The following NEMF variants were observed in gnomAD, a reference collection of about 807,000 sequenced individuals.
The protein encoded by NEMF is ribosome quality control complex subunit NEMF.
A neutral mutation model predicts 162.2 loss-of-function variants in NEMF; 89 were observed. The observed-to-expected ratio is 0.55, with a 90% CI of 0.46 to 0.65. The LOEUF (loss-of-function observed/expected upper bound fraction) is 0.65, where lower values mean the gene tolerates loss of function less well. NEMF is among the 30% of genes least tolerant of loss of function. NEMF has a pLI of 0.00. For synonymous variants in NEMF, 421 were observed against 404.5 expected (o/e 1.04, Z -0.49); for missense variants, 1,133 against 1,261.9 (o/e 0.90, Z 1.55).
intron 18 of NEMF, 62 bp from the exon 19 acceptor site, chr14:49,806,195 G>A: frequency 1.1e-6 from 1 of 923,376 alleles, no homozygotes; most frequent in South Asian, 1.4e-5. Flanking sequence ...AGCAAGATAT[G>A]AAAATCACAT....
chr14:49,827,517 G>A (rs1158331943), intron 15 of NEMF, among the ~76,000 whole-genome samples: 1 of 152,132 alleles, frequency 6.6e-6, no homozygotes, highest in Non-Finnish European at 1.5e-5. Flanking sequence ...ATCACAACGG[G>A]GCTAGGCATG....
chr14:49,831,985 G>T (rs1892660454), intron 10 of NEMF, 66 bp downstream of exon 10: 2 of 1,049,052 alleles, frequency 1.9e-6, no homozygotes, highest in Non-Finnish European at 2.8e-6. Context: ...CTCAATAGAA[G>T]CAAGTTGATA....
chr14:49,847,405 C>T (rs903258760), intron 3 of NEMF, among the ~76,000 whole-genome samples: 49 of 151,336 alleles, frequency 3.2e-4, no homozygotes, highest in African/African-American at 1.0e-3. Flanking sequence ...GGTTTCTCCA[C>T]GTTGCCCAGG....
At chr14:49,848,230 T>C (rs1893606654) in intron 3 of NEMF, among the ~76,000 whole-genome samples, 1 of 152,146 alleles carries the variant, frequency 6.6e-6, no homozygotes, top group Admixed American at 6.6e-5. Context: ...CTCTAAGCTT[T>C]TGATAACCTA....
At chr14:49,788,456 C>T (rs939016565) in intron 28 of NEMF, among the ~76,000 whole-genome samples, 6 of 151,664 alleles carry the variant, frequency 4.0e-5, no homozygotes, top group African/African-American at 7.3e-5. Context: ...TCATTTTCAA[C>T]ATTATGTACG....
intron 4 of NEMF, among the ~76,000 whole-genome samples, 189 bp from the exon 5 acceptor site, chr14:49,841,055 G>C (rs1476792712): frequency 6.6e-6 from 1 of 151,846 alleles, no homozygotes; most frequent in Non-Finnish European, 1.5e-5. Flanking sequence ...AAGTTAGCCA[G>C]GTATGGTGGC....
intron 26 of NEMF, among the ~76,000 whole-genome samples, chr14:49,790,106 G>A (rs1371339233): frequency 2.0e-5 from 3 of 152,188 alleles, no homozygotes; most frequent in African/African-American, 7.2e-5. Flanking sequence ...TTGATTAACT[G>A]TGTTAACTGG....
intron 8 of NEMF, among the ~76,000 whole-genome samples, chr14:49,832,829 T>C (rs1328387245): frequency 1.3e-5 from 2 of 152,238 alleles, no homozygotes; most frequent in Admixed American, 1.3e-4. Context: ...GGCTGACAAA[T>C]GAAAATGTGC....
At chr14:49,828,880 A>G (rs1484314284) in intron 13 of NEMF, 73 bp from the exon 14 acceptor site, 1 of 1,342,448 alleles carries the variant, frequency 7.4e-7, no homozygotes, top group East Asian at 2.5e-5. Context: ...CTTCTTCAAT[A>G]AAATTATAAA....
At chr14:49,826,713 G>A (rs1892367681) in intron 15 of NEMF, among the ~76,000 whole-genome samples, 1 of 152,168 alleles carries the variant, frequency 6.6e-6, no homozygotes, top group Admixed American at 6.6e-5. Flanking sequence ...TTGGGATGCA[G>A]CAATGAACAA....
Position 49,846,230 on chromosome 14 carries a change from A to G in NEMF, c.267T>C (p.Ser89=), listed in dbSNP as rs1183788005. The change falls in exon 4 of 33, where the codon AGT becomes AGC. Residue 89 remains serine, a synonymous_variant. Coordinates refer to ENST00000298310, the MANE Select transcript of NEMF (RefSeq NM_004713.6). ...RKHLKSRRLV[S]AKQLGVDRIV... ...TTCTATCCACACCAAGCTGTTTTGCACTGACTAATCTCCGACTCTTCAAAT... is the reference window on the plus strand; with the variant it reads ...TTCTATCCACACCAAGCTGTTTTGCGCTGACTAATCTCCGACTCTTCAAAT... The G allele has an allele frequency of 1.2e-6, 2 of 1,613,854 alleles. No homozygotes were observed. Among genetic ancestry groups the G allele is most frequent in the Non-Finnish European group, 1.7e-6 (2 of 1,179,894 alleles).
intron 18 of NEMF, among the ~76,000 whole-genome samples, chr14:49,808,098 A>AT (rs1334286963): frequency 1.3e-5 from 2 of 152,000 alleles, no homozygotes; most frequent in African/African-American, 2.4e-5. Context: ...CAGATATATG[A>AT]TTTGCAAATA....
chr14:49,790,846 A>C (rs1890406718), intron 26 of NEMF, among the ~76,000 whole-genome samples: 1 of 152,112 alleles, frequency 6.6e-6, no homozygotes, highest in Non-Finnish European at 1.5e-5. Flanking sequence ...AAACAAAATT[A>C]GCCAGGCGTG....
At position 49,828,795 on chromosome 14, in the gene NEMF, C is replaced by G. The variant is rs985916082; in HGVS notation, c.1245G>C (p.Leu415Phe). The G allele has an allele frequency of 9.7e-6, 15 of 1,538,726 alleles. No homozygotes were observed. The highest frequency in any genetic ancestry group is 1.8e-4 in the Middle Eastern group (1 of 5,684). ...CATCATCATCTTCCTCCTCTGATAA[C>G]AAGTATGGATTTCTATTAAAAATAT... ...HVTMLLRNPYLLSEEEDDDVD... is the reference protein window; with the variant it reads ...HVTMLLRNPYFLSEEEDDDVD... The change falls in exon 14 of 33, where the codon TTG becomes TTC. Residue 415 changes from leucine to phenylalanine, a missense_variant. Transcript: ENST00000298310.
At chr14:49,790,619 G>A (rs1369115140) in intron 26 of NEMF, among the ~76,000 whole-genome samples, 1 of 152,236 alleles carries the variant, frequency 6.6e-6, no homozygotes, top group Non-Finnish European at 1.5e-5. Context: ...TCTAATAAAG[G>A]CAAACAACAT....
At chr14:49,836,792 G>C (rs1209667117) in intron 6 of NEMF, among the ~76,000 whole-genome samples, 1 of 152,126 alleles carries the variant, frequency 6.6e-6, no homozygotes, top group African/African-American at 2.4e-5. Context: ...TCACATTTTG[G>C]AATATCTGCA....
chr14:49,842,101 G>A (rs570292703), intron 4 of NEMF, among the ~76,000 whole-genome samples: 71 of 147,520 alleles, frequency 4.8e-4, no homozygotes, highest in African/African-American at 1.5e-3. Flanking sequence ...GCGAAACTCC[G>A]TCTCAAAAAA....
intron 28 of NEMF, chr14:49,786,998 A>G (rs2139819287): frequency 2.3e-6 from 1 of 432,594 alleles, no homozygotes; most frequent in Admixed American, 4.0e-5. Context: ...TCTCTGAAGT[A>G]GAGGAGGTGG....
chr14:49,826,234 T>A (rs1892335893), intron 15 of NEMF, among the ~76,000 whole-genome samples: 1 of 152,170 alleles, frequency 6.6e-6, no homozygotes, highest in Non-Finnish European at 1.5e-5. Context: ...ATTTTCTAGA[T>A]ACTGAGTACC....
Sources: allele counts gnomAD v4.1 joint callset (sites outside exome capture counted in the v4.1 genomes callset), GRCh38; gene constraint gnomAD v4.1.1; transcripts MANE v1.5; gene names NCBI Gene and HGNC (gene_info 2026-07-23, HGNC 2026-07-21).